The following SIN3B variants were observed in gnomAD, a reference collection of about 807,000 sequenced individuals.
SIN3B encodes the protein SIN3 transcription regulator family member B.
SIN3B carries 19 observed loss-of-function variants against 120.2 expected under a neutral mutation model. The observed-to-expected ratio is 0.16, with a 90% CI of 0.11 to 0.23. The LOEUF is 0.23. Ranked by LOEUF, SIN3B falls within the 10% of genes least tolerant of loss-of-function variation. SIN3B has a pLI of 1.00. For missense variants in SIN3B, 1,073 were observed against 1,573.0 expected, an observed-to-expected ratio of 0.68 and a Z score of 5.38; for synonymous variants, 654 against 653.2, an observed-to-expected ratio of 1.00 and a Z score of -0.02.
intron 2 of SIN3B, among the ~76,000 whole-genome samples, chr19:16,830,523 G>A (rs1183533178): frequency 2.0e-5 from 3 of 152,166 alleles, no homozygotes; most frequent in African/African-American, 7.2e-5. Context: ...GGTTTGGAGT[G>A]GGTAAGGGAC....
intron 5 of SIN3B, among the ~76,000 whole-genome samples, chr19:16,848,137 G>A (rs946995018): frequency 6.6e-6 from 1 of 152,202 alleles, no homozygotes; most frequent in Non-Finnish European, 1.5e-5. Context: ...GCCACATTCT[G>A]TTTATCCGTA....
chr19:16,848,662 G>C (rs1036892428), intron 5 of SIN3B, among the ~76,000 whole-genome samples: 1 of 152,016 alleles, frequency 6.6e-6, no homozygotes, highest in African/African-American at 2.4e-5. Context: ...CACGATGCCA[G>C]GCCAATTTTT....
intron 6 of SIN3B, 34 bp downstream of exon 6, chr19:16,851,568 G>A (rs201428269): frequency 8.3e-5 from 128 of 1,545,248 alleles, no homozygotes; most frequent in Admixed American, 8.0e-4. Context: ...ATGCCTGCAC[G>A]CGGGGCCCCC....
In SIN3B at chr19:16,880,220, T is replaced by G. The variant is rs1043628106; in HGVS notation, c.*1493T>G. The G allele has an allele frequency of 5.9e-5, 9 of 152,368 alleles. No homozygotes were observed. Among genetic ancestry groups the G allele is most frequent in the African/African-American group, 1.7e-4 (7 of 41,588 alleles). The allele number at this position is 152,368 out of a possible 1,614,324, so 9.4% of individuals were successfully genotyped here. A position where few individuals can be genotyped will look rare whatever the true frequency, so the allele number is the denominator to read the frequency against. ...TCCCAGTATTCCCATCCCCGCATGC[T>G]TCTAGGGAGCGCCTCTTTTCCGTTC... On this transcript the variant is annotated 3_prime_UTR_variant, in exon 19 of 19. Transcript: ENST00000248054.
chr19:16,834,387 A>G (rs1971318524), intron 3 of SIN3B, among the ~76,000 whole-genome samples: 1 of 152,196 alleles, frequency 6.6e-6, no homozygotes, highest in Admixed American at 6.5e-5. Flanking sequence ...TTTCAGGGCT[A>G]GATCTTGACA....
chr19:16,868,909 G>A (rs553901764), intron 12 of SIN3B, among the ~76,000 whole-genome samples: 11 of 152,188 alleles, frequency 7.2e-5, no homozygotes, highest in Non-Finnish European at 1.3e-4. Context: ...CAGGTCTTCA[G>A]ATGTGAGCAG....
At position 16,829,426 on chromosome 19, in the gene SIN3B, G is replaced by C. The variant is rs972757055; in HGVS notation, c.6G>C (p.Ala2=). 733 of 1,205,856 alleles carry C rather than the reference G, an allele frequency of 6.1e-4. No individual in the cohort carries two copies. Among genetic ancestry groups the C allele is most frequent in the Non-Finnish European group, 7.1e-4 (688 of 971,124 alleles). 74.7% of individuals were successfully genotyped at this position (1,205,856 alleles called of 1,614,324 possible). The change falls in exon 1 of 19, where the codon GCG becomes GCC. Residue 2 remains alanine (A), a synonymous_variant. Transcript: ENST00000248054. M[A]HAGGGSGGSG... ...GCGCAGCTCCGACTTCGGACATGGC[G>C]CACGCTGGCGGTGGCAGCGGTGGCA...
At chr19:16,857,274 G>A (rs935464317) in intron 8 of SIN3B, among the ~76,000 whole-genome samples, 1 of 152,132 alleles carries the variant, frequency 6.6e-6, no homozygotes, top group African/African-American at 2.4e-5. Flanking sequence ...CAAAATAGAC[G>A]ATTCTGGTGA....
chr19:16,852,945 GAGCA>G, intron 6 of SIN3B, 120 bp from the exon 7 acceptor site: 1 of 696,510 alleles, frequency 1.4e-6, no homozygotes, highest in Non-Finnish European at 2.4e-6. Context: ...GTCCCTCACT[GAGCA>G]TCTCATGGCA....
At chr19:16,859,875 C>T (rs1385232126) in intron 8 of SIN3B, among the ~76,000 whole-genome samples, 1 of 152,142 alleles carries the variant, frequency 6.6e-6, no homozygotes, top group Non-Finnish European at 1.5e-5. Flanking sequence ...CCAGCGGGCA[C>T]GTGACCACCC....
chr19:16,862,317 G>A lies in SIN3B; in HGVS notation c.1059-35G>A. On this transcript the variant is annotated intron_variant, in intron 8 of 18. Coordinates refer to ENST00000248054, the MANE Select transcript of SIN3B (RefSeq NM_001297595.2). The surrounding 1 kb of genome is among the most constrained non-coding windows in gnomAD (Gnocchi z 4.7). ...CCAGATCCCTCTCAGAAGGCCCTGG[G>A]GATGACCAGTTACCATGTGTCTTTA... 1 of 1,564,786 alleles carries A rather than the reference G, an allele frequency of 6.4e-7. No homozygotes were observed. The highest frequency in any genetic ancestry group is 8.8e-7 in the Non-Finnish European group (1 of 1,137,786).
At chr19:16,845,823 G>C (rs924982105) in intron 4 of SIN3B, among the ~76,000 whole-genome samples, 5 of 152,252 alleles carry the variant, frequency 3.3e-5, no homozygotes, top group Non-Finnish European at 5.9e-5. Context: ...CTGGGCTCAA[G>C]CAATCCTCTT....
intron 13 of SIN3B, 90 bp from the exon 14 acceptor site, chr19:16,871,139 C>T: frequency 6.6e-7 from 1 of 1,521,340 alleles, no homozygotes; most frequent in South Asian, 1.1e-5. Context: ...CCCATGGGGG[C>T]ATTTGTTGGG....
chr19:16,870,023 C>T lies in SIN3B; in HGVS notation c.2370C>T (p.Gly790=). The part of the protein sequence containing the change: ...EKEREKLLCE[G]RREKGSDPAM... Reference sequence around the variant, plus strand: ...AGCGGGAGAAGCTGCTGTGTGAGGGCCGCAGGGAGAAGGGCAGCGACCCCG... The same window carrying T: ...AGCGGGAGAAGCTGCTGTGTGAGGGTCGCAGGGAGAAGGGCAGCGACCCCG... Residue 790 remains glycine, a synonymous_variant, in exon 13 of 19, where the codon GGC becomes GGT. Coordinates refer to ENST00000248054, the MANE Select transcript of SIN3B (RefSeq NM_001297595.2). The T allele has an allele frequency of 6.2e-7, 1 of 1,612,036 alleles. No individual in the cohort carries two copies. Among genetic ancestry groups the T allele is most frequent in the Non-Finnish European group, 8.5e-7 (1 of 1,178,954 alleles).
Position 16,851,447 on chromosome 19 carries a change from G to C in SIN3B, c.762G>C (p.Val254=). The C allele has an allele frequency of 6.2e-7, 1 of 1,609,716 alleles. No homozygotes were observed. Among genetic ancestry groups the C allele is most frequent in the Non-Finnish European group, 8.5e-7 (1 of 1,178,266 alleles). The stretch of plus-strand genomic sequence containing the variant: ...ACGGGCCGTGCGAGATGCACAGCGT[G>C]CAGAAGAACGAGCACGACAAGACCC... ...TGNGPCEMHS[V]QKNEHDKTPE... The change falls in exon 6 of 19, where the codon GTG becomes GTC. Residue 254 remains valine (V), a synonymous_variant. Transcript: ENST00000248054.
intron 3 of SIN3B, among the ~76,000 whole-genome samples, chr19:16,836,144 C>T (rs1488123445): frequency 6.6e-6 from 1 of 152,114 alleles, no homozygotes; most frequent in Non-Finnish European, 1.5e-5. Context: ...TTCTTTATGG[C>T]GAGGTGCCGT....
At chr19:16,845,177 A>G (rs1208710207) in intron 4 of SIN3B, among the ~76,000 whole-genome samples, 1 of 152,234 alleles carries the variant, frequency 6.6e-6, no homozygotes, top group Non-Finnish European at 1.5e-5. Flanking sequence ...TCCAGAAACT[A>G]CTTCCCTAAG....
intron 8 of SIN3B, among the ~76,000 whole-genome samples, chr19:16,857,515 A>AATGTGTG (rs1491555514): frequency 1.3e-4 from 8 of 62,162 alleles, no homozygotes; most frequent in Non-Finnish European, 2.8e-4. Context: ...CTTAAAAAAA[A>AATGTGTG]TATGTGTGTG....
intron 14 of SIN3B, among the ~76,000 whole-genome samples, chr19:16,875,575 G>A (rs1226085081): frequency 1.4e-5 from 2 of 142,468 alleles, no homozygotes; most frequent in Non-Finnish European, 3.0e-5. Flanking sequence ...GTCTGGTCTG[G>A]TCTGGTTTGG....
Sources: gnomAD v4.1 joint callset for allele counts (sites outside exome capture counted in the v4.1 genomes callset) on GRCh38, gnomAD v4.1.1 for gene constraint, Gnocchi (gnomAD v3.1) non-coding constraint, MANE v1.5 for transcripts, NCBI Gene and HGNC (gene_info 2026-07-23, HGNC 2026-07-21) for gene names.